NR6A1: variants seen among roughly 807,000 people sequenced by gnomAD.
The protein encoded by NR6A1 is nuclear receptor subfamily 6 group A member 1.
Under a neutral mutation model 59.1 loss-of-function variants are expected in NR6A1, and 7 were observed. The ratio of observed to expected loss-of-function variants is 0.12; its 90% CI spans 0.07 to 0.22. The LOEUF (loss-of-function observed/expected upper bound fraction) is 0.22, where lower values mean the gene tolerates loss of function less well. Among genes scored for constraint, NR6A1 ranks in the 10% least tolerant of loss-of-function variants. The pLI is 1.00. For missense variants in NR6A1, 468 were observed against 611.6 expected, an observed-to-expected ratio of 0.77 and a Z score of 2.48; for synonymous variants, 243 against 236.1, an observed-to-expected ratio of 1.03 and a Z score of -0.27.
Position 124,733,694 on chromosome 9 carries a change from A to T in NR6A1, c.101-345T>A, listed in dbSNP as rs151265161. Among the ~76,000 whole-genome samples, 608 of 152,376 alleles carry T rather than the reference A, an allele frequency of 4.0e-3. 2 individuals are homozygous for T. Among genetic ancestry groups the T allele is most frequent in the Non-Finnish European group, 7.5e-3 (513 of 68,034 alleles). On this transcript the variant is annotated intron_variant, in intron 1 of 9. Transcript: ENST00000487099. ...AATGTCCGTTGGAATAAAAATTCAC[A>T]GGAAAATTACAATTCATTTAATACC... is the stretch of plus-strand genomic sequence containing the variant.
rs201705608 is a variant in NR6A1 at position 124,619,263 on chromosome 9, T to TA, written c.143-64694dup. ...ACACAATTAAGTATGTAATTTTAATTAAAAAAAAAATTTTTTTTGAGACAG... is the reference window on the plus strand; with the variant it reads ...ACACAATTAAGTATGTAATTTTAATTAAAAAAAAAAATTTTTTTTGAGACAG... On this transcript the variant is annotated intron_variant, in intron 2 of 9. Transcript: ENST00000487099. Among the ~76,000 whole-genome samples, 104 of 151,552 alleles carry TA rather than the reference T, an allele frequency of 6.9e-4. 1 individual carries two copies. In the South Asian group the frequency reaches 0.018, roughly 27 times the overall value.
chr9:124,729,386 T>C (rs1360991678), intron 2 of NR6A1, among the ~76,000 whole-genome samples: 1 of 152,168 alleles, frequency 6.6e-6, no homozygotes, highest in Non-Finnish European at 1.5e-5. Context: ...ACTGTTCTTT[T>C]TTTTATCATT....
At chr9:124,669,825 G>A (rs924534613) in intron 2 of NR6A1, among the ~76,000 whole-genome samples, 6 of 152,108 alleles carry the variant, frequency 3.9e-5, no homozygotes, top group Admixed American at 3.3e-4. Context: ...TTGAACTCCT[G>A]ACCTCAGGTG....
chr9:124,656,470 A>T (rs899106924), intron 2 of NR6A1, among the ~76,000 whole-genome samples: 55 of 152,290 alleles, frequency 3.6e-4, no homozygotes, highest in Non-Finnish European at 6.3e-4. Flanking sequence ...AAGTGAAATA[A>T]GCCTGTCAAA....
In NR6A1 at chr9:124,531,669, C is replaced by A. The variant is rs949852120; in HGVS notation, c.1079+4209G>T. On this transcript the variant is annotated intron_variant, in intron 7 of 9. Transcript: ENST00000487099. Reference sequence around the variant, plus strand: ...CTACATGCACCTCAGACTCCACAGACACCTAAACCAAACTCAGAGTTACTC... The same window carrying A: ...CTACATGCACCTCAGACTCCACAGAAACCTAAACCAAACTCAGAGTTACTC... Among the ~76,000 whole-genome samples, 3 of 152,168 alleles carry A rather than the reference C, an allele frequency of 2.0e-5. No homozygotes were observed. In the East Asian group the frequency reaches 5.8e-4, roughly 29 times the overall value.
rs143827739 is a variant in NR6A1, at chr9:124,626,692, T to C, written c.143-72122A>G. ...GGCTCACGCCTGTAATCCCAGCACT[T>C]TGGGAGGCCGAGGTGGGTGGATCAC... On this transcript the variant is annotated intron_variant, in intron 2 of 9. Coordinates refer to ENST00000487099, the MANE Select transcript of NR6A1 (RefSeq NM_033334.4). 4.1e-3 allele frequency among the ~76,000 whole-genome samples: 619 copies of C among 152,160 alleles called. 3 individuals carry two copies. Among genetic ancestry groups the C allele is most frequent in the African/African-American group, 0.014 (564 of 41,536 alleles).
At chr9:124,678,543 T>C (rs926740841) in intron 2 of NR6A1, among the ~76,000 whole-genome samples, 6 of 152,120 alleles carry the variant, frequency 3.9e-5, no homozygotes, top group Non-Finnish European at 8.8e-5. Context: ...ATCAGAAAGG[T>C]TGTTGGAAGC....
At chr9:124,758,640 T>A (rs903590734) in intron 1 of NR6A1, among the ~76,000 whole-genome samples, 1 of 152,216 alleles carries the variant, frequency 6.6e-6, no homozygotes, top group Non-Finnish European at 1.5e-5. Context: ...ACATCAGAAC[T>A]GTAACTGTAA....
At chr9:124,659,890 T>C (rs1167437669) in intron 2 of NR6A1, among the ~76,000 whole-genome samples, 2 of 152,240 alleles carry the variant, frequency 1.3e-5, no homozygotes, top group Non-Finnish European at 2.9e-5. Flanking sequence ...GGTTGGTTCC[T>C]AATTTGAAGC....
intron 1 of NR6A1, among the ~76,000 whole-genome samples, chr9:124,757,647 C>CA (rs1022439227): frequency 6.6e-6 from 1 of 152,132 alleles, no homozygotes; most frequent in African/African-American, 2.4e-5. Context: ...CTAAGGGCCA[C>CA]AGGCAATTCA....
intron 2 of NR6A1, among the ~76,000 whole-genome samples, chr9:124,700,320 G>C (rs1395033501): frequency 6.6e-6 from 1 of 151,924 alleles, no homozygotes; most frequent in Non-Finnish European, 1.5e-5. Context: ...TCAGCCTCTA[G>C]AGTAGCTGGG....
chr9:124,767,882 C>T (rs60861052), intron 1 of NR6A1, among the ~76,000 whole-genome samples: 2,510 of 152,256 alleles, frequency 0.016, 77 homozygotes, highest in East Asian at 0.15. Context: ...AAGTATATTC[C>T]CTCATTCTCT....
intron 1 of NR6A1, among the ~76,000 whole-genome samples, chr9:124,737,190 C>A (rs994284855): frequency 3.9e-5 from 6 of 152,272 alleles, no homozygotes; most frequent in Admixed American, 3.3e-4. Flanking sequence ...TAAAAAAAAT[C>A]CTCCAAGGGT....
Position 124,578,609 on chromosome 9 carries a change from A to T in NR6A1, c.143-24039T>A, listed in dbSNP as rs560655324. On this transcript the variant is annotated intron_variant, in intron 2 of 9. Transcript: ENST00000487099. ...AAAAGCCCTGGCTTATGCCACCATC[A>T]TCTCTCATTTCATGACCATTTAGTC... 5.9e-4 allele frequency among the ~76,000 whole-genome samples: 90 copies of T among 152,254 alleles called. 1 individual carries two copies. In the South Asian group the frequency reaches 0.018, roughly 30 times the overall value.
At chr9:124,718,124 T>C (rs1267327331) in intron 2 of NR6A1, among the ~76,000 whole-genome samples, 1 of 152,246 alleles carries the variant, frequency 6.6e-6, no homozygotes, top group Non-Finnish European at 1.5e-5. Flanking sequence ...CCTATGCTAC[T>C]CAGCAAGAAA....
intron 2 of NR6A1, among the ~76,000 whole-genome samples, chr9:124,593,850 C>T (rs1835198614): frequency 6.6e-6 from 1 of 152,108 alleles, no homozygotes; most frequent in African/African-American, 2.4e-5. Context: ...CCTTCCCCCA[C>T]CTTTCTCCAA....
chr9:124,713,693 A>G (rs1033265437), intron 2 of NR6A1, among the ~76,000 whole-genome samples: 1 of 152,252 alleles, frequency 6.6e-6, no homozygotes, highest in Non-Finnish European at 1.5e-5. Context: ...ACAATGAGAT[A>G]TTGTCTCACA....
intron 2 of NR6A1, among the ~76,000 whole-genome samples, chr9:124,597,184 G>A (rs1289554590): frequency 2.0e-5 from 3 of 152,160 alleles, no homozygotes; most frequent in Non-Finnish European, 4.4e-5. Flanking sequence ...CAATGATTTA[G>A]ACGAGGAAAA....
intron 2 of NR6A1, among the ~76,000 whole-genome samples, chr9:124,705,684 T>C (rs1179407839): frequency 2.0e-5 from 3 of 152,208 alleles, no homozygotes; most frequent in Non-Finnish European, 4.4e-5. Flanking sequence ...AGCTGGACTT[T>C]ATGCTATTTT....
Sources: gnomAD v4.1 joint callset for allele counts (sites outside exome capture counted in the v4.1 genomes callset) on GRCh38, gnomAD v4.1.1 for gene constraint, MANE v1.5 for transcripts, NCBI Gene and HGNC (gene_info 2026-07-23, HGNC 2026-07-21) for gene names.